MYO3A: variants seen among roughly 807,000 people sequenced by gnomAD.
MYO3A encodes myosin IIIA, also known as myosin-IIIa.
In MYO3A, 180 loss-of-function variants were observed where a neutral mutation model predicts 192.7. The observed-to-expected ratio is 0.93, with a 90% confidence interval of 0.83 to 1.06. The LOEUF (loss-of-function observed/expected upper bound fraction) is 1.06, where lower values mean the gene tolerates loss of function less well. Ranked by LOEUF, MYO3A falls within the 50% of genes least tolerant of loss-of-function variation. MYO3A has a pLI of 0.00. For synonymous variants in MYO3A, 628 were observed against 645.3 expected, an observed-to-expected ratio of 0.97 and a Z score of 0.41; for missense variants, 1,896 against 1,905.0, an observed-to-expected ratio of 1.00 and a Z score of 0.09.
intron 10 of MYO3A, among the ~76,000 whole-genome samples, chr10:26,042,963 C>A (rs1366891788): frequency 6.6e-6 from 1 of 152,176 alleles, no homozygotes; most frequent in African/African-American, 2.4e-5. Flanking sequence ...CTTGGGAAGG[C>A]TTTCCAGGCA....
At chr10:25,935,655 GAAGTTTCT>G (rs1205466903) in intron 1 of MYO3A, 81 bp from the exon 2 acceptor site, 9 of 152,172 alleles carry the variant, frequency 5.9e-5, no homozygotes, top group Non-Finnish European at 1.2e-4. Context: ...CTTCTACCTA[GAAGTTTCT>G]AAGTTCAACT....
chr10:26,138,691 C>G (rs1459848977), intron 20 of MYO3A, among the ~76,000 whole-genome samples: 1 of 152,140 alleles, frequency 6.6e-6, no homozygotes, highest in African/African-American at 2.4e-5. Context: ...AGCAAGCTGA[C>G]AAGGAAGGAG....
At chr10:26,182,775 G>A (rs924566210) in intron 31 of MYO3A, among the ~76,000 whole-genome samples, 18 of 152,202 alleles carry the variant, frequency 1.2e-4, no homozygotes, top group African/African-American at 4.1e-4. Context: ...TTGTTTGGCT[G>A]TATCCATAGT....
At chr10:25,986,739 G>A (rs886792645) in intron 4 of MYO3A, among the ~76,000 whole-genome samples, 16 of 152,008 alleles carry the variant, frequency 1.1e-4, no homozygotes, top group South Asian at 2.1e-4. Context: ...AAACACAACC[G>A]ATGCTCATGG....
chr10:25,964,705 G>A (rs541269111), intron 4 of MYO3A, among the ~76,000 whole-genome samples: 18 of 152,226 alleles, frequency 1.2e-4, no homozygotes, highest in Non-Finnish European at 2.2e-4. Context: ...TGTACCATCA[G>A]ATGATTATTT....
chr10:25,998,131 G>C (rs1840568987), intron 6 of MYO3A, among the ~76,000 whole-genome samples: 1 of 152,090 alleles, frequency 6.6e-6, no homozygotes, highest in South Asian at 2.1e-4. Flanking sequence ...TAGAAATATA[G>C]GTGGACAGAC....
intron 6 of MYO3A, among the ~76,000 whole-genome samples, chr10:26,014,191 A>G (rs1227120837): frequency 6.6e-6 from 1 of 152,054 alleles, no homozygotes; most frequent in African/African-American, 2.4e-5. Flanking sequence ...CCACTAGGGT[A>G]ATGGGTGCAC....
At position 26,202,340 on chromosome 10, in the gene MYO3A, G is replaced by A. The variant is rs16926677; in HGVS notation, c.4587-624G>A. ...ACCTGGAGATTTCCCAGACCTACCT[G>A]TTTATCTCTTAGGAAGTCCCAGAGC... On this transcript the variant is annotated intron_variant, in intron 33 of 34. Transcript: ENST00000642920. Among the ~76,000 whole-genome samples, 778 of 152,296 alleles carry A rather than the reference G, an allele frequency of 5.1e-3. 3 individuals are homozygous for A. Among genetic ancestry groups the A allele is most frequent in the African/African-American group, 0.018 (747 of 41,558 alleles).
Position 25,952,090 on chromosome 10 carries a change from C to G in MYO3A, c.-17-4C>G. ...GTAGATGAAACTGTACTTCTTATCT[C>G]CAGGTTTTTAAACCTTTGAGATGTT... On this transcript the variant is annotated splice_region_variant and splice_polypyrimidine_tract_variant and intron_variant, in intron 2 of 34. Coordinates refer to ENST00000642920, the MANE Select transcript of MYO3A (RefSeq NM_017433.5). 2 of 1,597,034 alleles carry G rather than the reference C, an allele frequency of 1.3e-6. No homozygotes were observed. The highest frequency in any genetic ancestry group is 2.2e-5 in the South Asian group (2 of 90,310).
chr10:26,083,108 G>T (rs1159238158), intron 14 of MYO3A, among the ~76,000 whole-genome samples: 4 of 152,042 alleles, frequency 2.6e-5, no homozygotes, highest in African/African-American at 7.2e-5. Flanking sequence ...GGCAAATATG[G>T]TTTCTCTTTG....
intron 23 of MYO3A, among the ~76,000 whole-genome samples, chr10:26,151,953 G>A (rs1354268930): frequency 2.6e-5 from 4 of 152,218 alleles, no homozygotes; most frequent in South Asian, 2.1e-4. Flanking sequence ...TAATCTAGTC[G>A]GTGTTACTTT....
Position 26,212,170 on chromosome 10 carries a change from C to G in MYO3A, c.*207C>G, listed in dbSNP as rs1005656192. On this transcript the variant is annotated 3_prime_UTR_variant, in exon 35 of 35. Transcript: ENST00000642920. ...AGACCTGGGAGCCCTCGGGAAACCT[C>G]CCCCGACGCTCTCTCTCGGAACTCC... 2.1e-5 allele frequency: 14 copies of G among 676,396 alleles called. No individual in the cohort carries two copies. The African/African-American group carries it at 2.6e-4, about 12-fold the overall frequency. 41.9% of individuals were successfully genotyped at this position (676,396 alleles called of 1,614,324 possible). A position where few individuals can be genotyped will look rare whatever the true frequency, so the allele number is the denominator to read the frequency against.
chr10:26,143,351 G>T, intron 20 of MYO3A, 97 bp from the exon 21 acceptor site: 1 of 1,293,070 alleles, frequency 7.7e-7, no homozygotes, highest in South Asian at 1.3e-5. Flanking sequence ...AGGTCAAAGG[G>T]AGCAATTTAT....
At chr10:26,079,870 G>T (rs1015396424) in intron 14 of MYO3A, among the ~76,000 whole-genome samples, 1 of 152,194 alleles carries the variant, frequency 6.6e-6, no homozygotes, top group Non-Finnish European at 1.5e-5. Flanking sequence ...AGCTTGTAAG[G>T]TTTCTGCTGA....
In MYO3A at chr10:26,174,343, A is replaced by G. The variant is rs1484113439; in HGVS notation, c.4079A>G (p.Tyr1360Cys). The change falls in exon 30 of 35, where the codon TAC (tyrosine) becomes TGC (cysteine). Residue 1360 changes from tyrosine (Y) to cysteine (C), a missense_variant. Physicochemically the swap from Tyr to Cys is radical, Grantham distance 194. Coordinates refer to ENST00000642920, the MANE Select transcript of MYO3A (RefSeq NM_017433.5). ...AVFIQSKYRG[Y>C]KRRQQLRKDK... Reference sequence around the variant, plus strand: ...TTCATTCAGAGCAAATACCGGGGTTACAAGAGAAGGCAGCAGTTGAGGAAG... The same window carrying G: ...TTCATTCAGAGCAAATACCGGGGTTGCAAGAGAAGGCAGCAGTTGAGGAAG... The G allele has an allele frequency of 6.2e-7, 1 of 1,614,096 alleles. No individual in the cohort carries two copies. Among genetic ancestry groups the G allele is most frequent in the African/African-American group, 1.3e-5 (1 of 74,916 alleles).
chr10:26,094,801 G>A (rs1421804519), intron 15 of MYO3A, among the ~76,000 whole-genome samples: 4 of 152,158 alleles, frequency 2.6e-5, no homozygotes, highest in Non-Finnish European at 4.4e-5. Context: ...TACAGGGGGA[G>A]AAGACCCTGG....
At chr10:26,128,837 C>G (rs933126869) in intron 20 of MYO3A, among the ~76,000 whole-genome samples, 1 of 152,284 alleles carries the variant, frequency 6.6e-6, no homozygotes, top group South Asian at 2.1e-4. Context: ...TTTAAGTAGA[C>G]AGATGCGTCC....
At chr10:26,039,827 T>C (rs923867713) in intron 10 of MYO3A, among the ~76,000 whole-genome samples, 2 of 151,642 alleles carry the variant, frequency 1.3e-5, no homozygotes, top group African/African-American at 4.8e-5. Flanking sequence ...AAAATCAACT[T>C]TTTGTTTCAT....
At chr10:25,977,623 C>G (rs1361396325) in intron 4 of MYO3A, among the ~76,000 whole-genome samples, 2 of 152,034 alleles carry the variant, frequency 1.3e-5, no homozygotes, top group Admixed American at 6.6e-5. Context: ...TATTTTTTCT[C>G]AGTGTAACTT....
Sources: allele counts gnomAD v4.1 joint callset (sites outside exome capture counted in the v4.1 genomes callset), GRCh38; gene constraint gnomAD v4.1.1; transcripts MANE v1.5; gene names NCBI Gene and HGNC (gene_info 2026-07-23, HGNC 2026-07-21).